ST8SIA4: variants seen among roughly 807,000 people sequenced by gnomAD.
ST8SIA4 encodes CMP-N-acetylneuraminate-poly-alpha-2,8-sialyltransferase.
A neutral mutation model predicts 33.9 loss-of-function variants in ST8SIA4; 15 were observed. That is an observed-to-expected ratio of 0.44 (90% CI 0.30 to 0.68). The LOEUF (loss-of-function observed/expected upper bound fraction) is 0.68, where lower values mean the gene tolerates loss of function less well. Ranked by LOEUF, ST8SIA4 falls within the 30% of genes least tolerant of loss-of-function variation. The pLI is 0.10. For missense variants in ST8SIA4, 321 were observed against 428.0 expected, an observed-to-expected ratio of 0.75 and a Z score of 2.21; for synonymous variants, 171 against 151.2, an observed-to-expected ratio of 1.13 and a Z score of -0.96.
chr5:100,878,756 T>A (rs1202576266), intron 3 of ST8SIA4, among the ~76,000 whole-genome samples: 16 of 152,208 alleles, frequency 1.1e-4, no homozygotes, highest in Admixed American at 9.8e-4. Context: ...AGGAATGAAT[T>A]TCTCAACTAG....
chr5:100,881,105 A>G (rs1376014591), intron 3 of ST8SIA4, among the ~76,000 whole-genome samples: 2 of 152,204 alleles, frequency 1.3e-5, no homozygotes, highest in Non-Finnish European at 1.5e-5. Flanking sequence ...GAAATTCACC[A>G]ACAGTGGGAG....
intron 1 of ST8SIA4, among the ~76,000 whole-genome samples, chr5:100,897,415 C>A (rs1752802560): frequency 6.6e-6 from 1 of 152,144 alleles, no homozygotes; most frequent in Admixed American, 6.5e-5. Flanking sequence ...AAAGCTACTT[C>A]TTATGGTATA....
chr5:100,845,396 A>C (rs956337984), intron 4 of ST8SIA4, among the ~76,000 whole-genome samples: 18 of 151,480 alleles, frequency 1.2e-4, no homozygotes, highest in Non-Finnish European at 2.7e-4. Context: ...ATTAGTTAAA[A>C]TATATTAATT....
chr5:100,856,319 A>G lies in ST8SIA4; in HGVS notation c.581T>C (p.Val194Ala), dbSNP rs1751812541. 1 of 1,613,960 alleles carries G rather than the reference A, an allele frequency of 6.2e-7. No individual in the cohort carries two copies. Among genetic ancestry groups the G allele is most frequent in the African/African-American group, 1.3e-5 (1 of 74,904 alleles). The change falls in exon 4 of 5, where the codon GTT becomes GCT. Residue 194 changes from valine (V) to alanine (A), a missense_variant. Val to Ala is a moderately conservative substitution (Grantham distance 64). Transcript: ENST00000231461. Reference protein sequence around the residue: ...KSDFITMNPSVVQRAFGGFRN... With the variant: ...KSDFITMNPSAVQRAFGGFRN... Reference sequence around the variant, plus strand: ...AAAGCCTCCAAATGCTCTTTGTACAACTGATGGATTCATGGTAATAAAATC... The same window carrying G: ...AAAGCCTCCAAATGCTCTTTGTACAGCTGATGGATTCATGGTAATAAAATC...
intron 4 of ST8SIA4, among the ~76,000 whole-genome samples, chr5:100,853,883 T>C (rs1354843661): frequency 6.6e-6 from 1 of 152,184 alleles, no homozygotes; most frequent in African/African-American, 2.4e-5. Context: ...CAGAGTAATC[T>C]TAAGTTTTCT....
At chr5:100,817,109 A>ATTTTTTTTT (rs57222657) in intron 4 of ST8SIA4, among the ~76,000 whole-genome samples, 16 of 74,362 alleles carry the variant, frequency 2.2e-4, no homozygotes, top group South Asian at 6.4e-4. Context: ...CACCCAGCTA[A>ATTTTTTTTT]TTTTTTTTTT....
chr5:100,842,861 A>T (rs1751496527), intron 4 of ST8SIA4, among the ~76,000 whole-genome samples: 1 of 151,898 alleles, frequency 6.6e-6, no homozygotes, highest in African/African-American at 2.4e-5. Flanking sequence ...AATCTGTGCC[A>T]TGCTAGATTA....
rs1428439 is a variant in ST8SIA4 at position 100,903,097 on chromosome 5, A to G, written c.-142T>C. 208,324 of 631,358 alleles carry G rather than the reference A, an allele frequency of 0.33. 34,916 individuals carry two copies. The highest frequency in any genetic ancestry group is 0.37 in the African/African-American group (20,174 of 54,322). The allele number at this position is 631,358 out of a possible 1,614,324, so 39.1% of individuals were successfully genotyped here. ...GGAGCCGGGATCCCGGGATCAGATC[A>G]CTGGGGTCTTCTGTGGCCGAGCTCC... On this transcript the variant is annotated 5_prime_UTR_variant, in exon 1 of 5. The change abolishes the stop of an existing upstream ORF in the 5' untranslated region. Coordinates refer to ENST00000231461, the MANE Select transcript of ST8SIA4 (RefSeq NM_005668.6).
In ST8SIA4 at chr5:100,877,712, A is replaced by G. The variant is rs141858617; in HGVS notation, c.503+8631T>C. Among the ~76,000 whole-genome samples the G allele has an allele frequency of 6.7e-3, 1,024 of 152,312 alleles. 15 individuals are homozygous for G. The highest frequency in any genetic ancestry group is 0.024 in the African/African-American group (982 of 41,548). Reference sequence around the variant, plus strand: ...CGTAGTACCAGAAGAAATAATCCAAAGTCTATTGGTTGAACACTTACACGT... The same window carrying G: ...CGTAGTACCAGAAGAAATAATCCAAGGTCTATTGGTTGAACACTTACACGT... On this transcript the variant is annotated intron_variant, in intron 3 of 4. Coordinates refer to ENST00000231461, the MANE Select transcript of ST8SIA4 (RefSeq NM_005668.6).
intron 3 of ST8SIA4, among the ~76,000 whole-genome samples, chr5:100,862,276 T>C (rs1268272049): frequency 6.6e-6 from 1 of 152,194 alleles, no homozygotes; most frequent in African/African-American, 2.4e-5. Context: ...ATGACTCAAC[T>C]GTTCAGGAGA....
At chr5:100,867,738 C>G in intron 3 of ST8SIA4, among the ~76,000 whole-genome samples, 1 of 151,692 alleles carries the variant, frequency 6.6e-6, no homozygotes, top group African/African-American at 2.4e-5. Flanking sequence ...AAAGTATAAC[C>G]CAAGGTTGAA....
At chr5:100,880,245 G>A (rs1409540672) in intron 3 of ST8SIA4, among the ~76,000 whole-genome samples, 1 of 152,090 alleles carries the variant, frequency 6.6e-6, no homozygotes, top group African/African-American at 2.4e-5. Flanking sequence ...GGCAAAGCTT[G>A]CCTTGCATAT....
At chr5:100,867,766 T>C (rs114018871) in intron 3 of ST8SIA4, among the ~76,000 whole-genome samples, 2,254 of 152,104 alleles carry the variant, frequency 0.015, 64 homozygotes, top group African/African-American at 0.051. Context: ...TTTAACTTAG[T>C]ATATATTATT....
At chr5:100,869,129 T>C (rs963653642) in intron 3 of ST8SIA4, among the ~76,000 whole-genome samples, 5 of 152,138 alleles carry the variant, frequency 3.3e-5, no homozygotes, top group African/African-American at 1.2e-4. Flanking sequence ...TATATTTGTA[T>C]CTGAACTTTC....
intron 3 of ST8SIA4, among the ~76,000 whole-genome samples, chr5:100,882,129 A>C (rs1561404809): frequency 6.6e-6 from 1 of 152,204 alleles, no homozygotes; most frequent in African/African-American, 2.4e-5. Context: ...AAATGTGGGA[A>C]AGTTTGGAAC....
intron 4 of ST8SIA4, among the ~76,000 whole-genome samples, chr5:100,855,124 C>T (rs1219056668): frequency 6.6e-6 from 1 of 152,202 alleles, no homozygotes; most frequent in East Asian, 1.9e-4. Flanking sequence ...TTACTGTGCA[C>T]TTCATCATTT....
At chr5:100,854,365 C>T (rs1248000477) in intron 4 of ST8SIA4, among the ~76,000 whole-genome samples, 2 of 151,864 alleles carry the variant, frequency 1.3e-5, no homozygotes, top group Non-Finnish European at 1.5e-5. Context: ...GGGTGGATCA[C>T]GAAGTCAGGA....
At position 100,890,544 on chromosome 5, in the gene ST8SIA4, A is replaced by G. The variant is rs572388015; in HGVS notation, c.246-3944T>C. 2.6e-5 allele frequency: 4 copies of G among 152,014 alleles called. No individual in the cohort carries two copies. The South Asian group carries it at 8.3e-4, about 32-fold the overall frequency. The allele number at this position is 152,014 out of a possible 1,614,324, so 9.4% of individuals were successfully genotyped here. A position where few individuals can be genotyped will look rare whatever the true frequency, so the allele number is the denominator to read the frequency against. On this transcript the variant is annotated intron_variant, in intron 2 of 4. Coordinates refer to ENST00000231461, the MANE Select transcript of ST8SIA4 (RefSeq NM_005668.6). ...CTATCTAGAGACACATGAATCAACA[A>G]AAGCTAATGCTTAATATGCATGCTT...
intron 3 of ST8SIA4, among the ~76,000 whole-genome samples, chr5:100,867,781 C>G (rs928801221): frequency 6.6e-6 from 1 of 151,862 alleles, no homozygotes; most frequent in African/African-American, 2.4e-5. Flanking sequence ...ATTATTTATT[C>G]AATACTGAGT....
Sources: gnomAD v4.1 joint callset for allele counts (sites outside exome capture counted in the v4.1 genomes callset) on GRCh38, gnomAD v4.1.1 for gene constraint, MANE v1.5 for transcripts, NCBI Gene and HGNC (gene_info 2026-07-23, HGNC 2026-07-21) for gene names.